PRRC2B: variants seen among roughly 807,000 people sequenced by gnomAD.
PRRC2B encodes proline rich coiled-coil 2B.
In PRRC2B, 68 loss-of-function variants were observed where a neutral mutation model predicts 242.3. The ratio of observed to expected loss-of-function variants is 0.28; its 90% CI spans 0.23 to 0.34. The LOEUF (loss-of-function observed/expected upper bound fraction) is 0.34, where lower values mean the gene tolerates loss of function less well. PRRC2B is among the 10% of genes least tolerant of loss of function. PRRC2B has a pLI of 1.00. For missense variants in PRRC2B, 2,835 were observed against 2,954.8 expected, an observed-to-expected ratio of 0.96 and a Z score of 0.94; for synonymous variants, 1,228 against 1,173.6, an observed-to-expected ratio of 1.05 and a Z score of -0.95.
chr9:131,414,821 TG>T lies in PRRC2B; in HGVS notation c.-51-15271del, dbSNP rs536488374. Among the ~76,000 whole-genome samples the T allele has an allele frequency of 3.8e-3, 582 of 152,130 alleles. 5 individuals are homozygous for T. Among genetic ancestry groups the T allele is most frequent in the African/African-American group, 0.014 (561 of 41,512 alleles). ...TTGACCTCAAGTGATCCACCCGCCT[TG>T]GCCTCCCAAAGTGCTGGGATTACAA... On this transcript the variant is annotated intron_variant, in intron 1 of 31. Coordinates refer to ENST00000683519, the MANE Select transcript of PRRC2B (RefSeq NM_013318.4).
rs184676934 is a variant in PRRC2B at position 131,495,346 on chromosome 9, C to T, written c.6556-394C>T. On this transcript the variant is annotated intron_variant, in intron 31 of 31. Transcript: ENST00000683519. The stretch of plus-strand genomic sequence containing the variant: ...CAGCAGACAGTCGGGGGCTCCGAGA[C>T]GTGCAGGGGGCACTTGGATCTACTT... Among the ~76,000 whole-genome samples the T allele has an allele frequency of 7.6e-4, 116 of 152,204 alleles. 1 individual carries two copies. Among genetic ancestry groups the T allele is most frequent in the Admixed American group, 6.8e-3 (104 of 15,298 alleles).
intron 3 of PRRC2B, 74 bp downstream of exon 3, chr9:131,432,868 A>G (rs1838224660): frequency 6.7e-7 from 1 of 1,494,074 alleles, no homozygotes; most frequent in East Asian, 2.3e-5. Flanking sequence ...CCTGTGGCAA[A>G]CTAACCCTAA....
At chr9:131,460,631 A>C (rs766883547) in intron 11 of PRRC2B, among the ~76,000 whole-genome samples, 1 of 152,168 alleles carries the variant, frequency 6.6e-6, no homozygotes, top group Admixed American at 6.5e-5. Context: ...GAGACTGAAC[A>C]TCTCGTTTTT....
chr9:131,453,959 TACC>T (rs1027068990), intron 9 of PRRC2B, among the ~76,000 whole-genome samples: 1 of 152,222 alleles, frequency 6.6e-6, no homozygotes. Context: ...GTTGTACAAC[TACC>T]ACCACTATTC....
At chr9:131,477,236 AGGAAGAT>A (rs1943730062) in intron 16 of PRRC2B, among the ~76,000 whole-genome samples, 1 of 152,178 alleles carries the variant, frequency 6.6e-6, no homozygotes, top group South Asian at 2.1e-4. Context: ...CAGCATACTG[AGGAAGAT>A]GGCTTCACAC....
rs1944068977 is a variant in PRRC2B at position 131,487,790 on chromosome 9, A to AGGG, written c.5985-65_5985-63dup. On this transcript the variant is annotated intron_variant, in intron 27 of 31. Transcript: ENST00000683519. This position sits in a 1 kb window ranked among gnomAD's most constrained non-coding sequence, Gnocchi z 5.3. ...TAGCAAGCTCTCCGGGGATCTCTGA[A>AGGG]GGGTGGGACCAGATCCGCAGCTGGA... The AGGG allele has an allele frequency of 2.6e-6, 4 of 1,552,454 alleles. No homozygotes were observed. The highest frequency in any genetic ancestry group is 3.5e-6 in the Non-Finnish European group (4 of 1,143,594).
intron 1 of PRRC2B, 82 bp downstream of exon 1, chr9:131,394,345 C>T (rs1306790941): frequency 2.1e-5 from 3 of 146,206 alleles, no homozygotes; most frequent in Admixed American, 6.8e-5. Context: ...CGGGCTTTGT[C>T]TCCCGCGGCC....
chr9:131,378,732 T>C (rs1211326692), intron 1 of PRRC2B, among the ~76,000 whole-genome samples: 1 of 152,188 alleles, frequency 6.6e-6, no homozygotes, highest in African/African-American at 2.4e-5. Context: ...TTTTGTTTTT[T>C]TAATTGAGAT....
rs10793875 is a variant in PRRC2B, at chr9:131,486,194, T to A, written c.5856+12T>A. The A allele has an allele frequency of 0.93, 1,484,072 of 1,593,320 alleles. 692,934 individuals are homozygous for A. Among genetic ancestry groups the A allele is most frequent in the South Asian group, 0.97 (86,813 of 89,392 alleles). ...AGAGTTACCAACAGGTGACAGCAGC[T>A]AGCCAGGTGGCCTGGCTGGGGGTGG... On this transcript the variant is annotated intron_variant, in intron 26 of 31. Coordinates refer to ENST00000683519, the MANE Select transcript of PRRC2B (RefSeq NM_013318.4).
At position 131,475,046 on chromosome 9, in the gene PRRC2B, C is replaced by A; in HGVS notation, c.2917C>A (p.Leu973Met). 6.2e-7 allele frequency: 1 copy of A among 1,608,404 alleles called. No individual in the cohort carries two copies. ...KQELGEESTR[L>M]AKEKEQSPTA... ...GGAGCTAGGGGAGGAGAGTACCCGG[C>A]TGGCCAAGGAGAAGGAGCAGAGCCC... Residue 973 changes from leucine to methionine, a missense_variant, in exon 16 of 32, where the codon CTG (leucine) becomes ATG (methionine). Physicochemically the swap from Leu to Met is conservative, Grantham distance 15 (BLOSUM62 2). Around this residue, in one of 7 missense-constraint regions of PRRC2B, gnomAD observed 1,536 missense variants for 1,483.1 expected, o/e 1.04. Transcript: ENST00000683519.
chr9:131,394,864 C>G (rs914031941), intron 1 of PRRC2B, among the ~76,000 whole-genome samples: 1 of 151,548 alleles, frequency 6.6e-6, no homozygotes, highest in African/African-American at 2.4e-5. Context: ...GGTGTGAGTG[C>G]GGGAACCAGA....
chr9:131,419,723 G>A (rs1014124724), intron 1 of PRRC2B, among the ~76,000 whole-genome samples: 3 of 152,166 alleles, frequency 2.0e-5, no homozygotes, highest in African/African-American at 4.8e-5. Context: ...CTTAATCCAC[G>A]AGGAAATAGA....
At chr9:131,381,976 G>T (rs961530053) in intron 1 of PRRC2B, among the ~76,000 whole-genome samples, 9 of 151,992 alleles carry the variant, frequency 5.9e-5, no homozygotes, top group African/African-American at 2.2e-4. Context: ...CTGGCCTCAA[G>T]TGATCTCCCT....
intron 1 of PRRC2B, among the ~76,000 whole-genome samples, chr9:131,415,012 A>T (rs1318451534): frequency 6.6e-6 from 1 of 151,922 alleles, no homozygotes; most frequent in Non-Finnish European, 1.5e-5. Flanking sequence ...TGTTTTTTTG[A>T]GTCGGAGTTT....
At chr9:131,406,107 TTTG>T (rs1306287848) in intron 1 of PRRC2B, among the ~76,000 whole-genome samples, 2 of 151,412 alleles carry the variant, frequency 1.3e-5, no homozygotes, top group African/African-American at 4.9e-5. Flanking sequence ...GGCCCGGGGG[TTTG>T]GAGCAGGCAG....
rs765375180 is a variant in PRRC2B, at chr9:131,475,585, C to T, written c.3456C>T (p.Gly1152=). 6 of 1,612,808 alleles carry T rather than the reference C, an allele frequency of 3.7e-6. No individual in the cohort carries two copies. The highest frequency in any genetic ancestry group is 1.7e-5 in the Admixed American group (1 of 59,980). Residue 1152 remains glycine (G), a synonymous_variant, in exon 16 of 32, where the codon GGC becomes GGT. Coordinates refer to ENST00000683519, the MANE Select transcript of PRRC2B (RefSeq NM_013318.4). ...EELPKRRRQR[G]SENGNEGSLL... ...TTCCCAAGCGCCGCCGGCAGAGGGG[C>T]TCCGAGAACGGGAATGAAGGCTCGC... is the stretch of plus-strand genomic sequence containing the variant.
intron 9 of PRRC2B, among the ~76,000 whole-genome samples, chr9:131,448,543 C>CAGAAAAAAAAAAAAAAAAAAA (rs1838884232): frequency 2.5e-5 from 1 of 39,874 alleles, no homozygotes; most frequent in Non-Finnish European, 5.3e-5. Flanking sequence ...GACACTGTCT[C>CAGAAAAAAAAAAAAAAAAAAA]AAAAAAAAAA....
chr9:131,492,317 G>A (rs560436051), intron 30 of PRRC2B, 57 bp downstream of exon 30: 11 of 1,408,542 alleles, frequency 7.8e-6, no homozygotes, highest in Non-Finnish European at 1.1e-5. Context: ...CCAGAGCTGC[G>A]GCCCAGTGAC....
In PRRC2B at chr9:131,475,441, G is replaced by A. The variant is rs984167780; in HGVS notation, c.3312G>A (p.Gln1104=). 6.3e-7 allele frequency: 1 copy of A among 1,581,570 alleles called. No individual in the cohort carries two copies. The highest frequency in any genetic ancestry group is 8.6e-7 in the Non-Finnish European group (1 of 1,163,684). Residue 1104 remains glutamine, a synonymous_variant, in exon 16 of 32, where the codon CAG becomes CAA. Transcript: ENST00000683519. ...CCCGCAGCATCTACTGCAGCAGTCA[G>A]CGCAGCGGCCGTGGCCGGGGCCTGC... ...LGARSIYCSS[Q]RSGRGRGLRE... is the part of the protein sequence containing the mutation.
Sources: allele counts gnomAD v4.1 joint callset (sites outside exome capture counted in the v4.1 genomes callset), GRCh38; gene constraint gnomAD v4.1.1; regional missense constraint gnomAD v4.1.1; non-coding constraint Gnocchi (gnomAD v3.1); transcripts MANE v1.5; gene names NCBI Gene and HGNC (gene_info 2026-07-23, HGNC 2026-07-21).